Variants in PLA2G4D observed in about 807,000 individuals in gnomAD.
PLA2G4D encodes the protein phospholipase A2 group IVD, also known as cytosolic phospholipase A2 delta.
A neutral mutation model predicts 94.4 loss-of-function variants in PLA2G4D; 80 were observed. The ratio of observed to expected loss-of-function variants is 0.85; its 90% CI spans 0.71 to 1.02. The LOEUF is 1.02. Ranked by LOEUF, PLA2G4D falls within the 50% of genes least tolerant of loss-of-function variation. PLA2G4D has a pLI of 0.00. For synonymous variants in PLA2G4D, 438 were observed against 440.9 expected, an observed-to-expected ratio of 0.99 and a Z score of 0.08; for missense variants, 1,050 against 1,034.7, an observed-to-expected ratio of 1.01 and a Z score of -0.20.
chr15:42,071,655 T>G, intron 15 of PLA2G4D, 104 bp from the exon 16 acceptor site: 1 of 1,178,980 alleles, frequency 8.5e-7, no homozygotes, highest in Non-Finnish European at 1.2e-6. Flanking sequence ...CTACAATGCA[T>G]CCCCCCCGCC....
intron 13 of PLA2G4D, among the ~76,000 whole-genome samples, chr15:42,076,372 T>C (rs1226387374): frequency 6.6e-6 from 1 of 152,134 alleles, no homozygotes; most frequent in African/African-American, 2.4e-5. Context: ...TATAGGAAGA[T>C]ATTTTATAAC....
Position 42,068,633 on chromosome 15 carries a change from C to A in PLA2G4D, c.*82G>T. The A allele has an allele frequency of 1.5e-6, 2 of 1,372,498 alleles. No individual in the cohort carries two copies. Among genetic ancestry groups the A allele is most frequent in the Non-Finnish European group, 2.0e-6 (2 of 1,010,772 alleles). 85.0% of individuals were successfully genotyped at this position (1,372,498 alleles called of 1,614,324 possible). ...GGCCTGGGAGAGCCCAGAACTCCAA[C>A]CAGGAAGGCCTGTGGCTGAGCCCAG... On this transcript the variant is annotated 3_prime_UTR_variant, in exon 20 of 20. Coordinates refer to ENST00000290472, the MANE Select transcript of PLA2G4D (RefSeq NM_178034.4).
At chr15:42,074,840 T>C (rs1449603808) in intron 13 of PLA2G4D, among the ~76,000 whole-genome samples, 1 of 152,222 alleles carries the variant, frequency 6.6e-6, no homozygotes, top group Non-Finnish European at 1.5e-5. Context: ...CAATGAATGT[T>C]GGCTTTAAGA....
Position 42,082,410 on chromosome 15 carries a change from A to G in PLA2G4D, c.673-21T>C, listed in dbSNP as rs751797166. 3.9e-6 allele frequency: 6 copies of G among 1,543,964 alleles called. No individual in the cohort carries two copies. The South Asian group carries it at 6.7e-5, about 17-fold the overall frequency. ...GAGCTCTGAAGGGAAAGCATCATTC[A>G]TTCATTCATTCATTCATTCAACAAA... On this transcript the variant is annotated intron_variant, in intron 8 of 19. Coordinates refer to ENST00000290472, the MANE Select transcript of PLA2G4D (RefSeq NM_178034.4).
At chr15:42,073,530 T>C (rs1338747588) in intron 13 of PLA2G4D, among the ~76,000 whole-genome samples, 1 of 152,218 alleles carries the variant, frequency 6.6e-6, no homozygotes, top group Admixed American at 6.5e-5. Context: ...CTGTTTCTAC[T>C]GGGCAGTATG....
intron 17 of PLA2G4D, 74 bp from the exon 18 acceptor site, chr15:42,070,957 G>A: frequency 6.5e-7 from 1 of 1,548,556 alleles, no homozygotes; most frequent in South Asian, 1.2e-5. Flanking sequence ...TCTCCTCTGG[G>A]TCACTCCTTA....
chr15:42,083,173 A>C, intron 8 of PLA2G4D, 25 bp downstream of exon 8: 5 of 1,604,614 alleles, frequency 3.1e-6, no homozygotes, highest in Middle Eastern at 1.8e-4. Flanking sequence ...TAGGATTGCA[A>C]ACGAGGTCTA....
At chr15:42,085,599 T>C in intron 4 of PLA2G4D, 68 bp from the exon 5 acceptor site, 1 of 1,493,232 alleles carries the variant, frequency 6.7e-7, no homozygotes, top group Non-Finnish European at 9.3e-7. Flanking sequence ...ACAGTTCTTT[T>C]ACAGGTGTCA....
At chr15:42,080,940 C>T in intron 12 of PLA2G4D, 57 bp downstream of exon 12, 1 of 1,581,076 alleles carries the variant, frequency 6.3e-7, no homozygotes, top group Non-Finnish European at 8.6e-7. Flanking sequence ...CTGGTGCCCA[C>T]TCTGCCCCGC....
At chr15:42,071,340 T>C (rs753451980) in intron 16 of PLA2G4D, 23 bp from the exon 17 acceptor site, 1 of 1,571,088 alleles carries the variant, frequency 6.4e-7, no homozygotes, top group South Asian at 1.2e-5. Flanking sequence ...AAACAGAAAT[T>C]GGTCCCTTCT....
rs537757393 is a variant in PLA2G4D, at chr15:42,094,481, C to T, written c.-22G>A. The T allele has an allele frequency of 3.7e-6, 6 of 1,614,038 alleles. No individual in the cohort carries two copies. In the South Asian group the frequency reaches 4.4e-5, roughly 12 times the overall value. On this transcript the variant is annotated 5_prime_UTR_variant, in exon 1 of 20. Transcript: ENST00000290472. ...CCATGCTAGCCCTTCCAGCTTCACT[C>T]CAGGCCCAGCCCTTGCCAAGATGCT...
At chr15:42,086,465 G>T in intron 3 of PLA2G4D, 121 bp from the exon 4 acceptor site, 1 of 901,322 alleles carries the variant, frequency 1.1e-6, no homozygotes, top group East Asian at 2.7e-5. Flanking sequence ...ACACGTCTGC[G>T]CTTCAAAATA....
Position 42,081,550 on chromosome 15 carries a change from T to C in PLA2G4D, c.886A>G (p.Arg296Gly). The C allele has an allele frequency of 6.2e-7, 1 of 1,614,210 alleles. No individual in the cohort carries two copies. The highest frequency in any genetic ancestry group is 8.5e-7 in the Non-Finnish European group (1 of 1,180,026). The change falls in exon 11 of 20, where the codon AGG becomes GGG. Residue 296 changes from arginine (R) to glycine (G), a missense_variant. Arg to Gly is a moderately radical substitution (Grantham distance 125). Transcript: ENST00000290472. ...LCAEEQAFLS[R>G]RKQVVAKALK... ...GCCTTGGCCACCACCTGCTTCCTCC[T>C]GCTCAGGAAGGCCTGCTCCTCTGCA...
chr15:42,085,076 A>ATAG lies in PLA2G4D; in HGVS notation c.471+19_471+20insCTA. 5.0e-6 allele frequency: 8 copies of ATAG among 1,613,896 alleles called. No individual in the cohort carries two copies. Among genetic ancestry groups the ATAG allele is most frequent in the Non-Finnish European group, 5.1e-6 (6 of 1,179,852 alleles). ...CGTCTGCTCTGGGGCCCCTCCCCTA[A>ATAG]GCCTGGGGAAGGTGCTTACCACAAT... On this transcript the variant is annotated intron_variant, in intron 6 of 19. Coordinates refer to ENST00000290472, the MANE Select transcript of PLA2G4D (RefSeq NM_178034.4).
chr15:42,071,125 G>T lies in PLA2G4D; in HGVS notation c.1874C>A (p.Ala625Glu). The change falls in exon 17 of 20, where the codon GCA becomes GAA. Residue 625 changes from alanine (A) to glutamate (E), a missense_variant and splice_region_variant. Ala to Glu is a moderately radical substitution (Grantham distance 107). Coordinates refer to ENST00000290472, the MANE Select transcript of PLA2G4D (RefSeq NM_178034.4). ...YCSHKDFSTW[A>E]DYQLDSMPSQ... ...GGACCCCTGGCCACGGCCCTGACCTGCCCAGGTGGAGAAGTCTTTGTGGCT... is the reference window on the plus strand; with the variant it reads ...GGACCCCTGGCCACGGCCCTGACCTTCCCAGGTGGAGAAGTCTTTGTGGCT... 1.2e-6 allele frequency: 2 copies of T among 1,610,182 alleles called. No homozygotes were observed. Among genetic ancestry groups the T allele is most frequent in the Non-Finnish European group, 1.7e-6 (2 of 1,178,870 alleles).
At chr15:42,079,477 G>A (rs1595593878) in intron 13 of PLA2G4D, 60 bp downstream of exon 13, 1 of 1,496,234 alleles carries the variant, frequency 6.7e-7, no homozygotes, top group Non-Finnish European at 8.9e-7. Flanking sequence ...CCGCTTGGGA[G>A]CCCTGCCTTC....
chr15:42,072,626 G>A lies in PLA2G4D; in HGVS notation c.1318-234C>T, dbSNP rs557943286. ...AGGCTGTGTACTATGAATCTCCAGC[G>A]AGGGCCATTCATAGGGACCACAATG... On this transcript the variant is annotated intron_variant, in intron 13 of 19. Coordinates refer to ENST00000290472, the MANE Select transcript of PLA2G4D (RefSeq NM_178034.4). Among the ~76,000 whole-genome samples the A allele has an allele frequency of 9.8e-5, 15 of 152,288 alleles. No individual in the cohort carries two copies. The South Asian group carries it at 3.1e-3, about 32-fold the overall frequency.
In PLA2G4D at chr15:42,067,431, C is replaced by T. The variant is rs1400328317; in HGVS notation, c.*1284G>A. On this transcript the variant is annotated 3_prime_UTR_variant, in exon 20 of 20. Transcript: ENST00000290472. ...TGTTACATGCCTGTAGTCCCAGCTA[C>T]TTGGGAGGCTGAAGTGGAAGGATCA... 2 of 151,364 alleles carry T rather than the reference C, an allele frequency of 1.3e-5. No homozygotes were observed. The highest frequency in any genetic ancestry group is 6.6e-5 in the Admixed American group (1 of 15,164). 9.4% of individuals were successfully genotyped at this position (151,364 alleles called of 1,614,324 possible).
At chr15:42,076,907 C>G (rs1461402638) in intron 13 of PLA2G4D, among the ~76,000 whole-genome samples, 1 of 152,054 alleles carries the variant, frequency 6.6e-6, no homozygotes. Context: ...GAGACTTGTA[C>G]AAAATTGTTC....
Sources: allele counts gnomAD v4.1 joint callset (sites outside exome capture counted in the v4.1 genomes callset), GRCh38; gene constraint gnomAD v4.1.1; transcripts MANE v1.5; gene names NCBI Gene and HGNC (gene_info 2026-07-23, HGNC 2026-07-21).